DMRT1: variants seen among roughly 807,000 people sequenced by gnomAD.
The protein encoded by DMRT1 is doublesex- and mab-3-related transcription factor 1.
Under a neutral mutation model 32.3 loss-of-function variants are expected in DMRT1, and 7 were observed. The observed-to-expected ratio is 0.22, with a 90% CI of 0.12 to 0.41. The LOEUF is 0.41. Ranked by LOEUF, DMRT1 falls within the 10% of genes least tolerant of loss-of-function variation. The pLI, the probability that DMRT1 is intolerant of heterozygous loss-of-function variation, is 1.00. For missense variants in DMRT1, 625 were observed against 500.5 expected (o/e 1.25, Z -2.37); for synonymous variants, 278 against 206.1 (o/e 1.35, Z -2.99).
chr9:862,056 G>C (rs1164827431), intron 2 of DMRT1, among the ~76,000 whole-genome samples: 22 of 151,460 alleles, frequency 1.5e-4, no homozygotes, highest in Non-Finnish European at 2.8e-4. Context: ...CATCCCAGAC[G>C]ATGGGCGGCC....
intron 3 of DMRT1, among the ~76,000 whole-genome samples, chr9:908,803 C>T (rs923600941): frequency 2.0e-5 from 3 of 152,100 alleles, no homozygotes; most frequent in Admixed American, 1.3e-4. Context: ...GTTGTGTGAG[C>T]GTCCTCCTCT....
At chr9:874,756 G>C (rs1450554307) in intron 2 of DMRT1, among the ~76,000 whole-genome samples, 1 of 144,092 alleles carries the variant, frequency 6.9e-6, no homozygotes, top group African/African-American at 2.6e-5. Context: ...CTTGGGACTT[G>C]TCATAACCCT....
At chr9:962,442 A>G (rs566719037) in intron 4 of DMRT1, among the ~76,000 whole-genome samples, 43 of 150,570 alleles carry the variant, frequency 2.9e-4, no homozygotes, top group African/African-American at 9.8e-4. Flanking sequence ...CATGTTGATT[A>G]TTCATGGCTT....
intron 4 of DMRT1, among the ~76,000 whole-genome samples, chr9:932,426 A>G (rs138851477): frequency 7.9e-5 from 12 of 152,342 alleles, no homozygotes; most frequent in African/African-American, 1.2e-4. Flanking sequence ...GAACTGGCTA[A>G]CATTCATGAA....
At chr9:850,007 G>T (rs1258619364) in intron 2 of DMRT1, among the ~76,000 whole-genome samples, 1 of 152,174 alleles carries the variant, frequency 6.6e-6, no homozygotes, top group Non-Finnish European at 1.5e-5. Context: ...TAGTAGAGAC[G>T]GGGTTTCCTC....
intron 4 of DMRT1, among the ~76,000 whole-genome samples, chr9:934,494 G>A (rs971084712): frequency 1.3e-5 from 2 of 152,038 alleles, no homozygotes; most frequent in Non-Finnish European, 2.9e-5. Context: ...TCACACCAGC[G>A]CTCTCCAGCT....
chr9:853,551 C>T (rs2132557709), intron 2 of DMRT1, among the ~76,000 whole-genome samples: 1 of 151,006 alleles, frequency 6.6e-6, no homozygotes, highest in South Asian at 2.1e-4. Context: ...CGGCTCACTG[C>T]AATCTCCGCC....
intron 3 of DMRT1, among the ~76,000 whole-genome samples, chr9:912,205 A>G (rs961228558): frequency 2.6e-5 from 4 of 152,186 alleles, no homozygotes; most frequent in Admixed American, 6.5e-5. Flanking sequence ...AACTCCCTCC[A>G]TATCATGAGA....
chr9:850,855 C>G (rs1035003893), intron 2 of DMRT1, among the ~76,000 whole-genome samples: 1 of 151,858 alleles, frequency 6.6e-6, no homozygotes, highest in Non-Finnish European at 1.5e-5. Context: ...ATGGCGAAAC[C>G]CCATCTCTAC....
chr9:942,590 T>G (rs1340743815), intron 4 of DMRT1, among the ~76,000 whole-genome samples: 1 of 152,194 alleles, frequency 6.6e-6, no homozygotes. Flanking sequence ...CATTTTAAAC[T>G]TGATATAAAA....
At chr9:850,007 G>A (rs1258619364) in intron 2 of DMRT1, among the ~76,000 whole-genome samples, 2 of 152,172 alleles carry the variant, frequency 1.3e-5, no homozygotes, top group East Asian at 1.9e-4. Flanking sequence ...TAGTAGAGAC[G>A]GGGTTTCCTC....
chr9:949,598 C>T (rs1819364387), intron 4 of DMRT1, among the ~76,000 whole-genome samples: 1 of 152,166 alleles, frequency 6.6e-6, no homozygotes, highest in African/African-American at 2.4e-5. Context: ...ATAAGACCTA[C>T]CCTCTTAGCA....
At chr9:884,522 A>G (rs1308674795) in intron 2 of DMRT1, among the ~76,000 whole-genome samples, 5 of 152,224 alleles carry the variant, frequency 3.3e-5, no homozygotes, top group South Asian at 2.1e-4. Context: ...GAGGGGAGAC[A>G]GTGAGCTCTG....
intron 2 of DMRT1, among the ~76,000 whole-genome samples, chr9:869,776 A>G (rs1211613629): frequency 1.3e-5 from 2 of 151,982 alleles, no homozygotes; most frequent in Admixed American, 6.6e-5. Flanking sequence ...AAGGTGTCGC[A>G]TTCTCTGTCG....
rs762791305 is a variant in DMRT1 at position 841,980 on chromosome 9, G to T, written c.142G>T (p.Gly48Trp). 13 of 1,575,290 alleles carry T rather than the reference G, an allele frequency of 8.3e-6. No individual in the cohort carries two copies. The change falls in exon 1 of 5, where the codon GGG becomes TGG. Residue 48 changes from glycine (G) to tryptophan (W), a missense_variant. By Grantham distance (184) the Gly-to-Trp change is radical. Around this residue, in one of 3 missense-constraint regions of DMRT1, gnomAD observed 201 missense variants for 152.0 expected, o/e 1.32. Transcript: ENST00000382276. ...GGGGGCGGCCAGCGGCTCGAGCGCCGGGGGCAGCAGCAGAGGAGGCGGCTC... is the reference window on the plus strand; with the variant it reads ...GGGGGCGGCCAGCGGCTCGAGCGCCTGGGGCAGCAGCAGAGGAGGCGGCTC... ...LVGAASGSSAGGSSRGGGSGS... is the reference protein window; with the variant it reads ...LVGAASGSSAWGSSRGGGSGS...
At chr9:899,327 G>A (rs185215823) in intron 3 of DMRT1, among the ~76,000 whole-genome samples, 24 of 152,128 alleles carry the variant, frequency 1.6e-4, no homozygotes, top group South Asian at 1.5e-3. Context: ...AAAGGGTTTC[G>A]AATTTTTATT....
At chr9:897,084 G>T (rs1029078624) in intron 3 of DMRT1, among the ~76,000 whole-genome samples, 9 of 128,278 alleles carry the variant, frequency 7.0e-5, no homozygotes, top group African/African-American at 2.5e-4. Flanking sequence ...TTTTATTTTT[G>T]GAATCATATT....
At chr9:917,233 A>G (rs928398329) in intron 4 of DMRT1, among the ~76,000 whole-genome samples, 4 of 152,142 alleles carry the variant, frequency 2.6e-5, no homozygotes, top group Non-Finnish European at 5.9e-5. Flanking sequence ...AAGACCTGGT[A>G]TTTTTTGTGA....
intron 2 of DMRT1, among the ~76,000 whole-genome samples, chr9:885,473 C>T (rs1200898200): frequency 1.3e-5 from 2 of 152,158 alleles, no homozygotes; most frequent in Non-Finnish European, 2.9e-5. Context: ...GACTCTTCTC[C>T]TACTTCCCCA....
Sources: gnomAD v4.1 joint callset for allele counts (sites outside exome capture counted in the v4.1 genomes callset) on GRCh38, gnomAD v4.1.1 for gene constraint, gnomAD v4.1.1 regional missense constraint, MANE v1.5 for transcripts, NCBI Gene and HGNC (gene_info 2026-07-23, HGNC 2026-07-21) for gene names.